KIAA0753: variants seen among roughly 807,000 people sequenced by gnomAD.
KIAA0753 encodes the protein KIAA0753, also known as protein moonraker.
KIAA0753 carries 114 observed loss-of-function variants against 116.9 expected under a neutral mutation model. The ratio of observed to expected loss-of-function variants is 0.98; its 90% CI spans 0.84 to 1.14. The LOEUF is 1.14. Ranked by LOEUF, KIAA0753 falls within the 50% of genes most tolerant of loss-of-function variation. The pLI is 0.00. For synonymous variants in KIAA0753, 405 were observed against 413.1 expected (o/e 0.98, Z 0.24); for missense variants, 1,156 against 1,172.4 (o/e 0.99, Z 0.20).
At chr17:6,607,380 A>T in intron 10 of KIAA0753, 110 bp from the exon 11 acceptor site, 1 of 808,240 alleles carries the variant, frequency 1.2e-6, no homozygotes, top group Non-Finnish European at 2.1e-6. Flanking sequence ...GCACCAATCC[A>T]GGCTCTATTA....
intron 2 of KIAA0753, among the ~76,000 whole-genome samples, chr17:6,630,163 A>C (rs1487512531): frequency 6.6e-6 from 1 of 151,792 alleles, no homozygotes; most frequent in Non-Finnish European, 1.5e-5. Context: ...GAAGTATAAA[A>C]AGATCAAAAC....
At chr17:6,602,986 T>C (rs1969974059) in intron 12 of KIAA0753, among the ~76,000 whole-genome samples, 1 of 152,086 alleles carries the variant, frequency 6.6e-6, no homozygotes, top group African/African-American at 2.4e-5. Flanking sequence ...ACTGAATCCA[T>C]GAAAGAAGGA....
chr17:6,632,523 C>G (rs1319686847), intron 2 of KIAA0753, among the ~76,000 whole-genome samples: 4 of 152,116 alleles, frequency 2.6e-5, no homozygotes, highest in Non-Finnish European at 5.9e-5. Flanking sequence ...TAATAAAAAA[C>G]TGATTCAGGC....
Position 6,623,562 on chromosome 17 carries a change from T to C in KIAA0753, c.835A>G (p.Ile279Val). The C allele has an allele frequency of 6.2e-7, 1 of 1,611,044 alleles. No individual in the cohort carries two copies. The highest frequency in any genetic ancestry group is 1.1e-5 in the South Asian group (1 of 90,534). The change falls in exon 5 of 19, where the codon ATC (isoleucine) becomes GTC (valine). Residue 279 changes from isoleucine to valine, a missense_variant. Transcript: ENST00000361413. Reference sequence around the variant, plus strand: ...CTCAATTTATCCAATTCTTCCTGGATTTCTTTTACCTGTTTTGTAAAGGGG... The same window carrying C: ...CTCAATTTATCCAATTCTTCCTGGACTTCTTTTACCTGTTTTGTAAAGGGG... ...LYVLQQQVKE[I>V]QEELDKLSPH...
At position 6,607,210 on chromosome 17, in the gene KIAA0753, G is replaced by C. The variant is rs750462833; in HGVS notation, c.1890C>G (p.Ala630=). The change falls in exon 11 of 19, where the codon GCC becomes GCG. Residue 630 remains alanine, a synonymous_variant. Coordinates refer to ENST00000361413, the MANE Select transcript of KIAA0753 (RefSeq NM_014804.3). ...KRLKELEELK[A]KEIDSMQKQR... is the part of the protein sequence containing the mutation. ...GTTTTTGCATGCTGTCAATTTCCTT[G>C]GCTTTTAACTCTTCTAGTTCCTTCA... The C allele has an allele frequency of 2.5e-6, 4 of 1,613,330 alleles. 1 individual carries two copies. The highest frequency in any genetic ancestry group is 3.3e-4 in the Middle Eastern group (2 of 6,052).
At chr17:6,626,639 G>C (rs1210131947) in intron 3 of KIAA0753, among the ~76,000 whole-genome samples, 1 of 151,924 alleles carries the variant, frequency 6.6e-6, no homozygotes, top group African/African-American at 2.4e-5. Flanking sequence ...CTTCAAAGGG[G>C]GTCTGCAGCC....
chr17:6,586,093 G>A (rs1010212820), intron 18 of KIAA0753, among the ~76,000 whole-genome samples: 33 of 152,172 alleles, frequency 2.2e-4, no homozygotes, highest in Non-Finnish European at 2.4e-4. Flanking sequence ...GTTCTCATGA[G>A]ATCTGGTCAT....
rs1970254333 is a variant in KIAA0753 at position 6,607,247 on chromosome 17, G to A, written c.1853C>T (p.Thr618Ile). ...TTCTAGTTCCTTCAATCTTTTGGAA[G>A]TTTCAGCATCAAGCCAAGCGAGCCT... Reference protein sequence around the residue: ...AARLAWLDAETSKRLKELEEL... With the variant: ...AARLAWLDAEISKRLKELEEL... Residue 618 changes from threonine to isoleucine, a missense_variant, in exon 11 of 19, where the codon ACT becomes ATT. Thr to Ile is a moderately conservative substitution (Grantham distance 89). Coordinates refer to ENST00000361413, the MANE Select transcript of KIAA0753 (RefSeq NM_014804.3). The A allele has an allele frequency of 6.2e-7, 1 of 1,614,070 alleles. No homozygotes were observed. Among genetic ancestry groups the A allele is most frequent in the Non-Finnish European group, 8.5e-7 (1 of 1,179,992 alleles).
rs1970231223 is a variant in KIAA0753 at position 6,606,899 on chromosome 17, T to C, written c.1983A>G (p.Glu661=). Residue 661 remains glutamate, a synonymous_variant, in exon 12 of 19, where the codon GAA becomes GAG. Transcript: ENST00000361413. ...RTKELNELKA[E]EMYRLQQLSV... is the part of the protein sequence containing the mutation. Reference sequence around the variant, plus strand: ...TCAATTGTTGGAGTCTATACATTTCTTCAGCTTTGAGCTCATTCAGTTCCT... The same window carrying C: ...TCAATTGTTGGAGTCTATACATTTCCTCAGCTTTGAGCTCATTCAGTTCCT... The C allele has an allele frequency of 1.9e-6, 3 of 1,614,106 alleles. No individual in the cohort carries two copies. In the East Asian group the frequency reaches 6.7e-5, roughly 36 times the overall value.
At chr17:6,607,492 C>CA (rs1170785047) in intron 10 of KIAA0753, among the ~76,000 whole-genome samples, 1 of 152,184 alleles carries the variant, frequency 6.6e-6, no homozygotes, top group African/African-American at 2.4e-5. Flanking sequence ...GAACCTGTCT[C>CA]AAACGTTCTC....
At chr17:6,628,831 G>C (rs1971849886) in intron 2 of KIAA0753, 90 bp from the exon 3 acceptor site, 3 of 1,333,042 alleles carry the variant, frequency 2.3e-6, no homozygotes, top group Non-Finnish European at 3.0e-6. Context: ...CTAAAATTTT[G>C]CCACCAGATC....
At position 6,623,015 on chromosome 17, in the gene KIAA0753, C is replaced by T. The variant is rs748381762; in HGVS notation, c.971G>A (p.Arg324Gln). ...LQMFVTQFTDRGEHPLPARCK... is the reference protein window; with the variant it reads ...LQMFVTQFTDQGEHPLPARCK... ...CCGAGCAGGAAGTGGATGCTCCCCT[C>T]GGTCAGTAAACTGAGTGACAAACAT... Residue 324 changes from arginine to glutamine, a missense_variant, in exon 6 of 19, where the codon CGA becomes CAA. Arg to Gln is a conservative substitution (Grantham distance 43, BLOSUM62 1). Coordinates refer to ENST00000361413, the MANE Select transcript of KIAA0753 (RefSeq NM_014804.3). 53 of 1,614,046 alleles carry T rather than the reference C, an allele frequency of 3.3e-5. No individual in the cohort carries two copies. The highest frequency in any genetic ancestry group is 1.6e-4 in the Middle Eastern group (1 of 6,080).
chr17:6,638,530 A>C (rs1423911693), intron 1 of KIAA0753: 1 of 154,820 alleles, frequency 6.5e-6, no homozygotes, highest in Non-Finnish European at 1.4e-5. Context: ...CTGACATGCA[A>C]CATCTCCACA....
intron 18 of KIAA0753, among the ~76,000 whole-genome samples, chr17:6,581,072 T>A (rs1320332830): frequency 6.6e-6 from 1 of 152,178 alleles, no homozygotes; most frequent in Non-Finnish European, 1.5e-5. Flanking sequence ...TACAGGCCTA[T>A]CTATCTACAG....
intron 18 of KIAA0753, among the ~76,000 whole-genome samples, chr17:6,580,609 C>A (rs1968087994): frequency 1.3e-5 from 2 of 152,266 alleles, no homozygotes; most frequent in East Asian, 1.9e-4. Context: ...AGCCACTGTG[C>A]CCGGCCAAGA....
At chr17:6,596,392 G>A (rs1245427490) in intron 14 of KIAA0753, 49 bp from the exon 15 acceptor site, 1 of 1,230,750 alleles carries the variant, frequency 8.1e-7, no homozygotes, top group Non-Finnish European at 1.2e-6. Context: ...TGGATTAGGG[G>A]TGGGAAGGTG....
At chr17:6,625,858 C>A (rs553462578) in intron 3 of KIAA0753, among the ~76,000 whole-genome samples, 4 of 152,044 alleles carry the variant, frequency 2.6e-5, no homozygotes, top group South Asian at 2.1e-4. Flanking sequence ...CACACCACCA[C>A]ACTCAACTAA....
chr17:6,619,141 A>G (rs1971127113), intron 7 of KIAA0753, among the ~76,000 whole-genome samples: 1 of 152,066 alleles, frequency 6.6e-6, no homozygotes, highest in Non-Finnish European at 1.5e-5. Context: ...AGGCAGGAGA[A>G]TTGCTTAAAC....
chr17:6,621,140 T>C (rs757605882), intron 6 of KIAA0753, 142 bp from the exon 7 acceptor site: 29 of 729,922 alleles, frequency 4.0e-5, no homozygotes, highest in Non-Finnish European at 5.8e-5. Context: ...AATTAAAACA[T>C]GTTATTATTT....
Sources: allele counts gnomAD v4.1 joint callset (sites outside exome capture counted in the v4.1 genomes callset), GRCh38; gene constraint gnomAD v4.1.1; transcripts MANE v1.5; gene names NCBI Gene and HGNC (gene_info 2026-07-23, HGNC 2026-07-21).